Variants in NLRP12 observed in about 807,000 individuals in gnomAD.
NLRP12 encodes the protein NACHT, LRR and PYD domains-containing protein 12.
NLRP12 carries 108 observed loss-of-function variants against 91.2 expected under a neutral mutation model. The ratio of observed to expected loss-of-function variants is 1.18; its 90% confidence interval spans 1.01 to 1.39. The LOEUF is 1.39. NLRP12 is among the 40% of genes most tolerant of loss of function. NLRP12 has a pLI of 0.00. For synonymous variants in NLRP12, 613 were observed against 566.7 expected (o/e 1.08, Z -1.16); for missense variants, 1,530 against 1,352.7 (o/e 1.13, Z -2.06).
chr19:53,799,891 T>C (rs2091838364), intron 7 of NLRP12, among the ~76,000 whole-genome samples: 1 of 152,084 alleles, frequency 6.6e-6, no homozygotes, highest in Admixed American at 6.6e-5. Flanking sequence ...CAGCTGGGTG[T>C]AGTGGGTCAC....
chr19:53,823,836 C>T, intron 1 of NLRP12, 50 bp downstream of exon 1: 1 of 1,607,128 alleles, frequency 6.2e-7, no homozygotes, highest in Non-Finnish European at 8.5e-7. Flanking sequence ...AGGTATGAGT[C>T]ACTGGACCCG....
intron 3 of NLRP12, chr19:53,808,763 A>G (rs1192162426): frequency 6.6e-6 from 1 of 152,308 alleles, no homozygotes; most frequent in East Asian, 1.9e-4. Context: ...TTTAGTCCCA[A>G]TGGGTGTTGT....
At position 53,810,365 on chromosome 19, in the gene NLRP12, T is replaced by C. The variant is rs768497979; in HGVS notation, c.1294A>G (p.Thr432Ala). The C allele has an allele frequency of 5.3e-5, 85 of 1,613,384 alleles. No homozygotes were observed. Among genetic ancestry groups the C allele is most frequent in the Non-Finnish European group, 7.1e-5 (84 of 1,180,012 alleles). Residue 432 changes from threonine to alanine, a missense_variant, in exon 3 of 10, where the codon ACT (threonine) becomes GCT (alanine). By Grantham distance (58) the Thr-to-Ala change is moderately conservative (BLOSUM62 0). Transcript: ENST00000324134. ...AGCAGGTAGAGCATGTACACTGCAG[T>C]GGTGGTCCTGGACGTCTGTCTCAAC... ...GLLRQTSRTT[T>A]AVYMLYLLSL...
At chr19:53,823,482 ATTTTAAAATATATT>A (rs2092297538) in intron 1 of NLRP12, among the ~76,000 whole-genome samples, 1 of 102,200 alleles carries the variant, frequency 9.8e-6, no homozygotes, top group East Asian at 2.3e-4. Context: ...TAAAATATAT[ATTTTAAAATATATT>A]TATTTAAAAT....
chr19:53,803,771 A>G, intron 6 of NLRP12, 181 bp downstream of exon 6: 1 of 617,736 alleles, frequency 1.6e-6, no homozygotes. Context: ...AGGGGGTTTC[A>G]CCGTGTTGGC....
intron 5 of NLRP12, among the ~76,000 whole-genome samples, chr19:53,804,919 A>G (rs1810418532): frequency 6.6e-6 from 1 of 152,056 alleles, no homozygotes; most frequent in African/African-American, 2.4e-5. Flanking sequence ...AATCCCAGCT[A>G]CTTGGGAGCC....
At chr19:53,800,038 C>T (rs1332568568) in intron 7 of NLRP12, among the ~76,000 whole-genome samples, 1 of 152,048 alleles carries the variant, frequency 6.6e-6, no homozygotes, top group African/African-American at 2.4e-5. Flanking sequence ...CAGTGGCTCA[C>T]GCCTGTAATC....
At position 53,810,275 on chromosome 19, in the gene NLRP12, AC is replaced by A; in HGVS notation, c.1383del (p.Leu461PhefsTer26). 3 of 1,614,034 alleles carry A rather than the reference AC, an allele frequency of 1.9e-6. No individual in the cohort carries two copies. ...RLQPPPNQRG[L>X]CSLAADGLWN... ...CAGAGCCCATCTGCCGCCAAGGAGCACAACCCTCTCTGGTTGGGTGGGGGCT... is the reference window on the plus strand; with the variant it reads ...CAGAGCCCATCTGCCGCCAAGGAGCAAACCCTCTCTGGTTGGGTGGGGGCT... On this transcript the variant is annotated frameshift_variant, in exon 3 of 10. Transcript: ENST00000324134. LOFTEE classifies it high-confidence loss of function.
intron 4 of NLRP12, 61 bp from the exon 5 acceptor site, chr19:53,805,511 TTTTCTTTTGC>T: frequency 1.3e-6 from 2 of 1,541,570 alleles, no homozygotes; most frequent in Non-Finnish European, 8.7e-7. Flanking sequence ...TTGTGGATTA[TTTTCTTTTGC>T]TTTTTTTTTT....
intron 5 of NLRP12, 42 bp downstream of exon 5, chr19:53,805,238 G>A (rs2091938317): frequency 3.2e-6 from 5 of 1,584,568 alleles, no homozygotes; most frequent in Admixed American, 1.7e-5. Context: ...TGCCCCAGGA[G>A]ACAATGAGCT....
At chr19:53,818,516 T>A (rs2122742548) in intron 1 of NLRP12, among the ~76,000 whole-genome samples, 1 of 151,726 alleles carries the variant, frequency 6.6e-6, no homozygotes, top group South Asian at 2.1e-4. Context: ...AAATACGAAA[T>A]TAGCCGGGCG....
In NLRP12 at chr19:53,810,596, C is replaced by T. The variant is rs143855597; in HGVS notation, c.1063G>A (p.Glu355Lys). The T allele has an allele frequency of 2.8e-4, 445 of 1,614,112 alleles. 1 individual carries two copies. The African/African-American group carries it at 5.1e-3, about 18-fold the overall frequency. ...AGGATCTCCACATGCCTGGGGTGCTCCAGCAGACGGTGGAGCTTCTCCAAA... is the reference window on the plus strand; with the variant it reads ...AGGATCTCCACATGCCTGGGGTGCTTCAGCAGACGGTGGAGCTTCTCCAAA... ...TALEKLHRLL[E>K]HPRHVEILGF... The change falls in exon 3 of 10, where the codon GAG becomes AAG. Residue 355 changes from glutamate to lysine, a missense_variant. Transcript: ENST00000324134.
rs752751985 is a variant in NLRP12, at chr19:53,811,200, G to A, written c.459C>T (p.Leu153=). 3.1e-6 allele frequency: 5 copies of A among 1,614,018 alleles called. No individual in the cohort carries two copies. Among genetic ancestry groups the A allele is most frequent in the Non-Finnish European group, 4.2e-6 (5 of 1,180,038 alleles). The part of the protein sequence containing the change: ...RNARLGECVN[L]SHRYTRLLLV... ...GCAGGAGCCGGGTGTACCGGTGGCT[G>A]AGGTTGACACATTCCCCTAGGCGCG... The change falls in exon 3 of 10, where the codon CTC becomes CTT. Residue 153 remains leucine (L), a synonymous_variant. Coordinates refer to ENST00000324134, the MANE Select transcript of NLRP12 (RefSeq NM_144687.4).
At chr19:53,813,799 C>T (rs2092117212) in intron 2 of NLRP12, among the ~76,000 whole-genome samples, 1 of 151,830 alleles carries the variant, frequency 6.6e-6, no homozygotes, top group Non-Finnish European at 1.5e-5. Flanking sequence ...CTAATCCTCC[C>T]ACCTCAGCCT....
At chr19:53,820,138 C>T (rs1041775456) in intron 1 of NLRP12, among the ~76,000 whole-genome samples, 2 of 152,134 alleles carry the variant, frequency 1.3e-5, no homozygotes, top group African/African-American at 4.8e-5. Context: ...CAGCCAGACA[C>T]TGGAATCGCA....
chr19:53,796,448 C>T (rs145204038), intron 8 of NLRP12, among the ~76,000 whole-genome samples: 1,666 of 152,024 alleles, frequency 0.011, 31 homozygotes, highest in African/African-American at 0.038. Flanking sequence ...AGGGTTTCAC[C>T]TTGTTGGCCA....
chr19:53,811,931 C>T (rs138292387), intron 2 of NLRP12, among the ~76,000 whole-genome samples: 1 of 152,206 alleles, frequency 6.6e-6, no homozygotes, highest in East Asian at 1.9e-4. Flanking sequence ...AGACATGAAT[C>T]TGCCTTTTTT....
At chr19:53,821,317 C>T (rs1001154349) in intron 1 of NLRP12, among the ~76,000 whole-genome samples, 13 of 151,832 alleles carry the variant, frequency 8.6e-5, no homozygotes, top group African/African-American at 1.2e-4. Flanking sequence ...GGATTACAGG[C>T]GTGAGCCACC....
rs189117344 is a variant in NLRP12 at position 53,800,923 on chromosome 19, A to G, written c.2756+304T>C. 5.3e-3 allele frequency among the ~76,000 whole-genome samples: 803 copies of G among 152,138 alleles called. 7 individuals carry two copies. The highest frequency in any genetic ancestry group is 0.018 in the African/African-American group (728 of 41,544). The stretch of plus-strand genomic sequence containing the variant: ...AAAAAGGCTGATGTAGGCTGGGTGC[A>G]GTGGCTCAAGCCTGTAATCCCAGCA... On this transcript the variant is annotated intron_variant, in intron 7 of 9. Coordinates refer to ENST00000324134, the MANE Select transcript of NLRP12 (RefSeq NM_144687.4).
Sources: allele counts gnomAD v4.1 joint callset (sites outside exome capture counted in the v4.1 genomes callset), GRCh38; gene constraint gnomAD v4.1.1; transcripts MANE v1.5; gene names NCBI Gene and HGNC (gene_info 2026-07-23, HGNC 2026-07-21).